The following CLEC2L variants were observed in gnomAD, a reference collection of about 807,000 sequenced individuals.
CLEC2L encodes C-type lectin domain family 2, member L.
Under a neutral mutation model 23.6 loss-of-function variants are expected in CLEC2L, and 14 were observed. The ratio of observed to expected loss-of-function variants is 0.59; its 90% CI spans 0.39 to 0.93. The LOEUF (loss-of-function observed/expected upper bound fraction) is 0.93, where lower values mean the gene tolerates loss of function less well. Ranked by LOEUF, CLEC2L falls within the 40% of genes least tolerant of loss-of-function variation. The probability of loss-of-function intolerance (pLI) is 0.00; values close to 1 mark genes in which losing one functional copy is unlikely to be tolerated. For synonymous variants in CLEC2L, 114 were observed against 121.3 expected (o/e 0.94, Z 0.40); for missense variants, 264 against 282.4 (o/e 0.93, Z 0.47).
At chr7:139,531,824 T>A (rs1381414578) in intron 1 of CLEC2L, among the ~76,000 whole-genome samples, 1 of 151,600 alleles carries the variant, frequency 6.6e-6, no homozygotes, top group Non-Finnish European at 1.5e-5. Context: ...GCAGGAAAAT[T>A]GCTTGAACCC....
Position 139,544,416 on chromosome 7 carries a change from C to T in CLEC2L, c.*74C>T. ...CTGGTGTCTGCTCAAGACCTGCTTC[C>T]AGCGGAGCCGCCTGCCCTCTGCAAG... On this transcript the variant is annotated 3_prime_UTR_variant, in exon 5 of 5. Coordinates refer to ENST00000422142, the MANE Select transcript of CLEC2L (RefSeq NM_001080511.4). 8.9e-7 allele frequency: 1 copy of T among 1,123,482 alleles called. No homozygotes were observed. The highest frequency in any genetic ancestry group is 1.3e-5 in the South Asian group (1 of 74,214). The allele number at this position is 1,123,482 out of a possible 1,614,324, so 69.6% of individuals were successfully genotyped here.
chr7:139,537,834 T>C (rs1400368604), intron 2 of CLEC2L, among the ~76,000 whole-genome samples: 1 of 152,116 alleles, frequency 6.6e-6, no homozygotes, highest in African/African-American at 2.4e-5. Context: ...CTGAGAAACA[T>C]AGAGTGTGTG....
At chr7:139,529,622 A>G (rs920706426) in intron 1 of CLEC2L, among the ~76,000 whole-genome samples, 1 of 152,202 alleles carries the variant, frequency 6.6e-6, no homozygotes, top group Admixed American at 6.5e-5. Flanking sequence ...TGCTCTTACC[A>G]TGTCTGAAGC....
intron 1 of CLEC2L, among the ~76,000 whole-genome samples, chr7:139,531,785 C>T (rs1371382758): frequency 2.0e-5 from 3 of 152,000 alleles, no homozygotes; most frequent in Admixed American, 6.6e-5. Context: ...TGGCAGGCAC[C>T]TGTAATCTCA....
intron 1 of CLEC2L, among the ~76,000 whole-genome samples, chr7:139,527,905 C>T (rs1487455535): frequency 6.6e-6 from 1 of 152,126 alleles, no homozygotes; most frequent in Non-Finnish European, 1.5e-5. Flanking sequence ...ATTATGCTTG[C>T]CAGGCTGTGT....
intron 1 of CLEC2L, among the ~76,000 whole-genome samples, chr7:139,533,704 C>G (rs1464726397): frequency 6.6e-6 from 1 of 152,186 alleles, no homozygotes; most frequent in Non-Finnish European, 1.5e-5. Flanking sequence ...TTCCTTAAAT[C>G]TGTGCTTTTC....
chr7:139,538,068 T>G (rs896847646), intron 2 of CLEC2L, among the ~76,000 whole-genome samples: 5 of 152,186 alleles, frequency 3.3e-5, no homozygotes, highest in Admixed American at 3.3e-4. Flanking sequence ...AGTCCACCAA[T>G]ATTATCAGTT....
rs1797469092 is a variant in CLEC2L, at chr7:139,524,023, G to T, written c.96G>T (p.Ser32=). 5 of 1,165,492 alleles carry T rather than the reference G, an allele frequency of 4.3e-6. No homozygotes were observed. In the South Asian group the frequency reaches 2.1e-4, roughly 49 times the overall value. The allele number at this position is 1,165,492 out of a possible 1,614,324, so 72.2% of individuals were successfully genotyped here. ...APAPAAPRPR[S]PAEAEARGPE... is the part of the protein sequence containing the mutation. ...CCCCCGCCGCCCCCAGGCCGCGTTC[G>T]CCCGCAGAGGCTGAGGCCCGCGGCC... is the stretch of plus-strand genomic sequence containing the variant. Residue 32 remains serine, a synonymous_variant, in exon 1 of 5, where the codon TCG becomes TCT. Coordinates refer to ENST00000422142, the MANE Select transcript of CLEC2L (RefSeq NM_001080511.4).
chr7:139,534,422 C>T (rs2116314733), intron 1 of CLEC2L: 2 of 888,484 alleles, frequency 2.3e-6, no homozygotes, highest in East Asian at 4.8e-5. Context: ...TTGATTTCAT[C>T]AATGATCTGG....
At chr7:139,532,547 G>A (rs771144799) in intron 1 of CLEC2L, among the ~76,000 whole-genome samples, 5 of 152,184 alleles carry the variant, frequency 3.3e-5, no homozygotes, top group Non-Finnish European at 7.3e-5. Flanking sequence ...TTCAAGATGG[G>A]TGTTATGGCC....
chr7:139,524,525 G>A (rs927110330), intron 1 of CLEC2L, among the ~76,000 whole-genome samples: 1 of 152,178 alleles, frequency 6.6e-6, no homozygotes, highest in African/African-American at 2.4e-5. Context: ...CCCCAGAGGT[G>A]GTGCCCGCCC....
At chr7:139,543,113 C>T (rs1193986293) in intron 4 of CLEC2L, among the ~76,000 whole-genome samples, 2 of 152,188 alleles carry the variant, frequency 1.3e-5, no homozygotes, top group African/African-American at 2.4e-5. Flanking sequence ...AGCTGCCCTC[C>T]CACCTGAGGA....
At chr7:139,536,454 G>T in intron 2 of CLEC2L, 106 bp downstream of exon 2, 1 of 971,028 alleles carries the variant, frequency 1.0e-6, no homozygotes. Context: ...GAATCCTGTG[G>T]GGGACTAAAT....
At position 139,542,043 on chromosome 7, in the gene CLEC2L, G is replaced by A. The variant is rs750773107; in HGVS notation, c.455G>A (p.Arg152Gln). The change falls in exon 4 of 5, where the codon CGG (arginine) becomes CAG (glutamine). Residue 152 changes from arginine (R) to glutamine (Q), a missense_variant. Coordinates refer to ENST00000422142, the MANE Select transcript of CLEC2L (RefSeq NM_001080511.4). ...KELEFMFKFTRREPWIGLRRV... is the reference protein window; with the variant it reads ...KELEFMFKFTQREPWIGLRRV... ...CAGGAATTTATGTTCAAGTTCACGC[G>A]GAGGGAGCCCTGGATTGGACTACGC... is the stretch of plus-strand genomic sequence containing the variant. 1.3e-5 allele frequency: 21 copies of A among 1,612,686 alleles called. No individual in the cohort carries two copies. The South Asian group carries it at 2.0e-4, about 15-fold the overall frequency.
At position 139,540,108 on chromosome 7, in the gene CLEC2L, C is replaced by G; in HGVS notation, c.266-213C>G. 1 of 553,006 alleles carries G rather than the reference C, an allele frequency of 1.8e-6. No individual in the cohort carries two copies. Among genetic ancestry groups the G allele is most frequent in the Non-Finnish European group, 3.2e-6 (1 of 309,916 alleles). The allele number at this position is 553,006 out of a possible 1,614,324, so 34.3% of individuals were successfully genotyped here. A position where few individuals can be genotyped will look rare whatever the true frequency, so the allele number is the denominator to read the frequency against. On this transcript the variant is annotated intron_variant, in intron 2 of 4. Coordinates refer to ENST00000422142, the MANE Select transcript of CLEC2L (RefSeq NM_001080511.4). This position sits in a 1 kb window ranked among gnomAD's most constrained non-coding sequence, Gnocchi z 5.8. ...CCCAGGGGCTGCCCTGCTGTCACTTCCCGTCGTGATGATGCCCCTGCCAGG... is the reference window on the plus strand; with the variant it reads ...CCCAGGGGCTGCCCTGCTGTCACTTGCCGTCGTGATGATGCCCCTGCCAGG...
rs1797467263 is a variant in CLEC2L, at chr7:139,523,956, G to A, written c.29G>A (p.Arg10Gln). MEPAREPPS[R>Q]ARPPPPLAAR... ...GAGCCGGCCCGGGAGCCCCCCTCGCGGGCCCGGCCGCCGCCGCCCCTCGCC... is the reference window on the plus strand; with the variant it reads ...GAGCCGGCCCGGGAGCCCCCCTCGCAGGCCCGGCCGCCGCCGCCCCTCGCC... The change falls in exon 1 of 5, where the codon CGG becomes CAG. Residue 10 changes from arginine to glutamine, a missense_variant. Transcript: ENST00000422142. The surrounding 1 kb of genome is among the most constrained non-coding windows in gnomAD (Gnocchi z 4.1). The A allele has an allele frequency of 2.1e-6, 2 of 972,012 alleles. 1 individual carries two copies. Among genetic ancestry groups the A allele is most frequent in the South Asian group, 9.3e-5 (2 of 21,544 alleles). The allele number at this position is 972,012 out of a possible 1,614,324, so 60.2% of individuals were successfully genotyped here.
At chr7:139,536,185 CCT>C (rs1356650391) in intron 1 of CLEC2L, 87 bp from the exon 2 acceptor site, 81 of 981,862 alleles carry the variant, frequency 8.2e-5, no homozygotes, top group Non-Finnish European at 1.2e-4. Context: ...TCTACCTCCC[CCT>C]GTTTCTCATT....
chr7:139,538,155 G>A (rs1033854991), intron 2 of CLEC2L, among the ~76,000 whole-genome samples: 1 of 152,174 alleles, frequency 6.6e-6, no homozygotes, highest in Non-Finnish European at 1.5e-5. Context: ...TATGGCAGCC[G>A]GGTGCAGTGG....
intron 1 of CLEC2L, among the ~76,000 whole-genome samples, chr7:139,533,575 C>T (rs185256754): frequency 1.3e-5 from 2 of 152,248 alleles, no homozygotes; most frequent in East Asian, 1.9e-4. Context: ...AGGCTGGTCT[C>T]GAACTCCTGA....
Sources: gnomAD v4.1 joint callset for allele counts (sites outside exome capture counted in the v4.1 genomes callset) on GRCh38, gnomAD v4.1.1 for gene constraint, Gnocchi (gnomAD v3.1) non-coding constraint, MANE v1.5 for transcripts, NCBI Gene and HGNC (gene_info 2026-07-23, HGNC 2026-07-21) for gene names.